The following DTNA variants were observed in gnomAD, a reference collection of about 807,000 sequenced individuals.
The protein encoded by DTNA is dystrophin-related protein 3.
A neutral mutation model predicts 100.7 loss-of-function variants in DTNA; 43 were observed. The observed-to-expected ratio is 0.43, with a 90% confidence interval of 0.33 to 0.55. DTNA has a LOEUF of 0.55. Among genes scored for constraint, DTNA ranks in the 20% least tolerant of loss-of-function variants. DTNA has a pLI of 0.04. For synonymous variants in DTNA, 349 were observed against 347.9 expected (o/e 1.00, Z -0.04); for missense variants, 798 against 953.9 (o/e 0.84, Z 2.15).
intron 1 of DTNA, among the ~76,000 whole-genome samples, chr18:34,637,311 G>T (rs1443345009): frequency 6.6e-6 from 1 of 152,100 alleles, no homozygotes; most frequent in Admixed American, 6.5e-5. Context: ...GCAGTTCATT[G>T]CCCCCTTCAC....
At chr18:34,716,935 T>G (rs2084200836) in intron 1 of DTNA, among the ~76,000 whole-genome samples, 1 of 152,208 alleles carries the variant, frequency 6.6e-6, no homozygotes, top group South Asian at 2.1e-4. Context: ...TGGAATGCCT[T>G]GACTGTGAGA....
At position 34,890,432 on chromosome 18, in the gene DTNA, C is replaced by T; in HGVS notation, c.*2698C>T. On this transcript the variant is annotated 3_prime_UTR_variant, in exon 23 of 23. Coordinates refer to ENST00000444659, the MANE Select transcript of DTNA (RefSeq NM_001386795.1). ...GGCTCTCCAGATTTACTTTTGGGGC[C>T]TGTTCTAAGTGCAAACCCAGCAAGT... The T allele has an allele frequency of 6.5e-7, 1 of 1,536,102 alleles. No homozygotes were observed. The highest frequency in any genetic ancestry group is 8.7e-7 in the Non-Finnish European group (1 of 1,146,906).
intron 1 of DTNA, among the ~76,000 whole-genome samples, chr18:34,603,726 A>T (rs558733128): frequency 3.9e-5 from 6 of 152,320 alleles, no homozygotes; most frequent in Admixed American, 3.9e-4. Flanking sequence ...TTCATTCAAA[A>T]ATCTAAAACT....
chr18:34,797,663 G>A (rs1337053918), intron 4 of DTNA, among the ~76,000 whole-genome samples: 3 of 152,176 alleles, frequency 2.0e-5, no homozygotes, highest in African/African-American at 7.2e-5. Context: ...GAAAAATATT[G>A]CAGAAAGTTA....
At chr18:34,863,652 G>A (rs2096658338) in intron 16 of DTNA, among the ~76,000 whole-genome samples, 1 of 152,150 alleles carries the variant, frequency 6.6e-6, no homozygotes, top group Non-Finnish European at 1.5e-5. Flanking sequence ...GGACCCCATA[G>A]CACATCACAG....
chr18:34,741,446 A>G (rs891202421), intron 1 of DTNA, among the ~76,000 whole-genome samples: 61 of 152,202 alleles, frequency 4.0e-4, no homozygotes, highest in African/African-American at 1.3e-3. Flanking sequence ...CATATTAATT[A>G]AGCAATCAGA....
intron 21 of DTNA, among the ~76,000 whole-genome samples, chr18:34,883,494 G>C (rs1453276872): frequency 1.3e-5 from 2 of 151,762 alleles, no homozygotes; most frequent in Non-Finnish European, 2.9e-5. Context: ...ATTTTTTGTG[G>C]AGTCAGGGTC....
rs143972699 is a variant in DTNA, at chr18:34,889,774, C to A, written c.*2040C>A. The A allele has an allele frequency of 9.1e-4, 896 of 986,808 alleles. 8 individuals carry two copies. In the African/African-American group the frequency reaches 0.015, roughly 16 times the overall value. The allele number at this position is 986,808 out of a possible 1,614,324, so 61.1% of individuals were successfully genotyped here. On this transcript the variant is annotated 3_prime_UTR_variant, in exon 23 of 23. Coordinates refer to ENST00000444659, the MANE Select transcript of DTNA (RefSeq NM_001386795.1). ...ATATCTCTCCAGAGAACTCACCTGA[C>A]AAATGTCTCTGAGCACAGGCTGACA... is the stretch of plus-strand genomic sequence containing the variant.
At chr18:34,636,827 T>C (rs1306121692) in intron 1 of DTNA, among the ~76,000 whole-genome samples, 1 of 152,214 alleles carries the variant, frequency 6.6e-6, no homozygotes, top group East Asian at 1.9e-4. Flanking sequence ...ATTGTGACTA[T>C]GCCGTAAGAA....
At chr18:34,567,812 T>C (rs1298489781) in intron 1 of DTNA, among the ~76,000 whole-genome samples, 3 of 152,170 alleles carry the variant, frequency 2.0e-5, no homozygotes, top group Non-Finnish European at 4.4e-5. Context: ...AAAACACATA[T>C]ATGTAACTAA....
chr18:34,591,686 T>G lies in DTNA; in HGVS notation c.-2+98172T>G, dbSNP rs117566680. Among the ~76,000 whole-genome samples the G allele has an allele frequency of 3.5e-3, 531 of 152,314 alleles. 9 individuals carry two copies. In the East Asian group the frequency reaches 0.05, roughly 14 times the overall value. On this transcript the variant is annotated intron_variant, in intron 1 of 19. Transcript: ENST00000283365. ...ATTTGTGAAGTCATTAGAATGCCCG[T>G]CTATCAGCATTACATAGAGCCTGCA... is the stretch of plus-strand genomic sequence containing the variant.
chr18:34,609,226 T>A (rs1203100198), intron 1 of DTNA, among the ~76,000 whole-genome samples: 1 of 151,932 alleles, frequency 6.6e-6, no homozygotes, highest in East Asian at 1.9e-4. Context: ...TTTCCCTTTT[T>A]GTTTTGACTG....
rs1337937617 is a variant in DTNA, at chr18:34,838,143, G to C, written c.1225G>C (p.Ala409Pro). ...AGAGCAGAACAAACTGCTGGCTAGGGCTGCTCCAGCTTTTCTGAAGGGCAA... is the reference window on the plus strand; with the variant it reads ...AGAGCAGAACAAACTGCTGGCTAGGCCTGCTCCAGCTTTTCTGAAGGGCAA... ...EVEQNKLLAR[A>P]APAFLKGKGI... Residue 409 changes from alanine (A) to proline (P), a missense_variant, in exon 12 of 23, where the codon GCT (alanine) becomes CCT (proline). This residue lies in a region of DTNA where 159 missense variants were observed against 201.2 expected (regional missense o/e 0.79). Transcript: ENST00000444659. The C allele has an allele frequency of 6.2e-7, 1 of 1,613,880 alleles. No individual in the cohort carries two copies. The highest frequency in any genetic ancestry group is 8.5e-7 in the Non-Finnish European group (1 of 1,179,830).
intron 1 of DTNA, among the ~76,000 whole-genome samples, chr18:34,723,387 A>G (rs1467925907): frequency 6.6e-6 from 1 of 152,212 alleles, no homozygotes; most frequent in Non-Finnish European, 1.5e-5. Flanking sequence ...GAGAAGGAGT[A>G]TATATTATAC....
chr18:34,567,305 T>G (rs1448306991), intron 1 of DTNA, among the ~76,000 whole-genome samples: 1 of 152,218 alleles, frequency 6.6e-6, no homozygotes, highest in Non-Finnish European at 1.5e-5. Context: ...ATGTTTATTT[T>G]AAAAACTTAA....
chr18:34,817,499 C>G (rs1006416629), intron 7 of DTNA, among the ~76,000 whole-genome samples: 1 of 151,918 alleles, frequency 6.6e-6, no homozygotes, highest in Non-Finnish European at 1.5e-5. Context: ...TTAACCGTCT[C>G]TTGAGGCATT....
intron 1 of DTNA, among the ~76,000 whole-genome samples, chr18:34,659,104 G>T (rs1031568422): frequency 6.6e-6 from 1 of 151,662 alleles, no homozygotes; most frequent in African/African-American, 2.4e-5. Flanking sequence ...GTGTGTGCAC[G>T]CATGTGTGTG....
At chr18:34,797,811 A>C (rs1324975514) in intron 4 of DTNA, among the ~76,000 whole-genome samples, 1 of 152,060 alleles carries the variant, frequency 6.6e-6, no homozygotes. Context: ...CTCTCCTTGC[A>C]CCTGATTCTG....
chr18:34,627,525 G>A (rs758906599), intron 1 of DTNA, among the ~76,000 whole-genome samples: 1 of 152,060 alleles, frequency 6.6e-6, no homozygotes. Context: ...TTAAGTTTAG[G>A]TTCACCAATA....
Sources: gnomAD v4.1 joint callset for allele counts (sites outside exome capture counted in the v4.1 genomes callset) on GRCh38, gnomAD v4.1.1 for gene constraint, gnomAD v4.1.1 regional missense constraint, MANE v1.5 for transcripts, NCBI Gene and HGNC (gene_info 2026-07-23, HGNC 2026-07-21) for gene names.